TRIM2: variants seen among roughly 807,000 people sequenced by gnomAD.
TRIM2 encodes tripartite motif-containing protein 2.
In TRIM2, 20 loss-of-function variants were observed where a neutral mutation model predicts 75.2. The observed-to-expected ratio is 0.27, with a 90% CI of 0.19 to 0.39. The LOEUF (loss-of-function observed/expected upper bound fraction) is 0.39. Among genes scored for constraint, TRIM2 ranks in the 10% least tolerant of loss-of-function variants. The probability of loss-of-function intolerance (pLI) is 1.00; values close to 1 mark genes in which losing one functional copy is unlikely to be tolerated. For synonymous variants in TRIM2, 373 were observed against 388.3 expected (o/e 0.96, Z 0.46); for missense variants, 660 against 990.8 (o/e 0.67, Z 4.48).
intron 1 of TRIM2, among the ~76,000 whole-genome samples, chr4:153,259,060 G>T (rs1423924647): frequency 6.6e-6 from 1 of 152,166 alleles, no homozygotes; most frequent in East Asian, 1.9e-4. Flanking sequence ...CTCCTAGGAA[G>T]ACACAAGTGA....
intron 1 of TRIM2, among the ~76,000 whole-genome samples, chr4:153,238,952 C>T (rs886156950): frequency 6.6e-6 from 1 of 152,128 alleles, no homozygotes; most frequent in African/African-American, 2.4e-5. Context: ...CCCACTGTGA[C>T]GGTATTTGGA....
Position 153,338,215 on chromosome 4 carries a change from A to G in TRIM2, c.*3249A>G. On this transcript the variant is annotated 3_prime_UTR_variant, in exon 12 of 12. Transcript: ENST00000338700. ...CACTAGCAAGTATCTGTGAATCCTTAGCACTGACGGGTTAACAGAAATGCT... is the reference window on the plus strand; with the variant it reads ...CACTAGCAAGTATCTGTGAATCCTTGGCACTGACGGGTTAACAGAAATGCT... The G allele has an allele frequency of 1.0e-6, 1 of 985,882 alleles. No homozygotes were observed. The highest frequency in any genetic ancestry group is 1.2e-6 in the Non-Finnish European group (1 of 829,926). The allele number at this position is 985,882 out of a possible 1,614,324, so 61.1% of individuals were successfully genotyped here. A position where few individuals can be genotyped will look rare whatever the true frequency, so the allele number is the denominator to read the frequency against.
chr4:153,331,994 G>C lies in TRIM2; in HGVS notation c.2164-2820G>C, dbSNP rs561899220. ...TTTGTACAAAAAGTTGACTCAAAAT[G>C]GACTGTAGATTTAACTGTAAAATGT... On this transcript the variant is annotated intron_variant, in intron 11 of 11. Transcript: ENST00000338700. 3.8e-4 allele frequency among the ~76,000 whole-genome samples: 58 copies of C among 152,242 alleles called. No homozygotes were observed. The South Asian group carries it at 0.012, about 30-fold the overall frequency.
chr4:153,159,377 C>T (rs1023953134), intron 1 of TRIM2, among the ~76,000 whole-genome samples: 12 of 126,784 alleles, frequency 9.5e-5, no homozygotes, highest in Non-Finnish European at 1.4e-4. Flanking sequence ...GAACATAGGT[C>T]ACTGCTGCTT....
intron 3 of TRIM2, among the ~76,000 whole-genome samples, chr4:153,281,906 T>C (rs868498647): frequency 6.6e-6 from 1 of 152,226 alleles, no homozygotes; most frequent in African/African-American, 2.4e-5. Flanking sequence ...ATCAAGGGTG[T>C]CAAAGGTGCA....
chr4:153,290,778 C>T (rs1319462240), intron 3 of TRIM2, among the ~76,000 whole-genome samples: 3 of 152,140 alleles, frequency 2.0e-5, no homozygotes, highest in Non-Finnish European at 4.4e-5. Context: ...AGGCATGTGC[C>T]ACCACGTCCA....
chr4:153,322,097 G>A (rs1220610504), intron 8 of TRIM2, among the ~76,000 whole-genome samples: 2 of 152,114 alleles, frequency 1.3e-5, no homozygotes, highest in African/African-American at 4.8e-5. Flanking sequence ...TATTTTTGGT[G>A]GTGATCTCTT....
chr4:153,166,898 G>T (rs1038016301), intron 1 of TRIM2, among the ~76,000 whole-genome samples: 10 of 152,178 alleles, frequency 6.6e-5, no homozygotes, highest in Admixed American at 6.5e-4. Context: ...AGTTTGGTAT[G>T]CTTCCACCTC....
At position 153,335,156 on chromosome 4, in the gene TRIM2, G is replaced by C; in HGVS notation, c.*190G>C. On this transcript the variant is annotated 3_prime_UTR_variant, in exon 12 of 12. Transcript: ENST00000338700. ...CCAATTTCTGTATTTCACCTTTAGG[G>C]TTAAAAAAAACTCTTCTACTGAATC... 1 of 1,267,678 alleles carries C rather than the reference G, an allele frequency of 7.9e-7. No individual in the cohort carries two copies. Among genetic ancestry groups the C allele is most frequent in the Non-Finnish European group, 9.9e-7 (1 of 1,005,444 alleles). The allele number at this position is 1,267,678 out of a possible 1,614,324, so 78.5% of individuals were successfully genotyped here. A position where few individuals can be genotyped will look rare whatever the true frequency, so the allele number is the denominator to read the frequency against.
At chr4:153,192,841 A>G (rs1338280717) in intron 1 of TRIM2, among the ~76,000 whole-genome samples, 2 of 152,098 alleles carry the variant, frequency 1.3e-5, no homozygotes, top group Non-Finnish European at 2.9e-5. Flanking sequence ...CTTCTCACAG[A>G]AAGTGTTTCT....
intron 1 of TRIM2, among the ~76,000 whole-genome samples, chr4:153,218,957 G>T (rs138698019): frequency 1.3e-5 from 2 of 150,864 alleles, no homozygotes; most frequent in South Asian, 2.1e-4. Flanking sequence ...AAAACACCCC[G>T]CTTTGCTTTG....
At chr4:153,303,348 C>T (rs1240043369) in intron 6 of TRIM2, among the ~76,000 whole-genome samples, 1 of 151,720 alleles carries the variant, frequency 6.6e-6, no homozygotes, top group Non-Finnish European at 1.5e-5. Context: ...TGGCACGCAC[C>T]TGTAATCCCA....
At chr4:153,243,636 C>A (rs1474831195) in intron 1 of TRIM2, among the ~76,000 whole-genome samples, 1 of 152,198 alleles carries the variant, frequency 6.6e-6, no homozygotes, top group Non-Finnish European at 1.5e-5. Context: ...GTACCTGGGC[C>A]ATGTTCTTCC....
In TRIM2 at chr4:153,335,820, C is replaced by T. The variant is rs1561037922; in HGVS notation, c.*854C>T. On this transcript the variant is annotated 3_prime_UTR_variant, in exon 12 of 12. Transcript: ENST00000338700. ...TTATGTACCATGTTTTCACACGTGT[C>T]TCTTCTCTTCGACTTCCTGAAAGCG... is the stretch of plus-strand genomic sequence containing the variant. 1.0e-6 allele frequency: 1 copy of T among 985,798 alleles called. No homozygotes were observed. The highest frequency in any genetic ancestry group is 1.2e-6 in the Non-Finnish European group (1 of 829,900). 61.1% of individuals were successfully genotyped at this position (985,798 alleles called of 1,614,324 possible). A position where few individuals can be genotyped will look rare whatever the true frequency, so the allele number is the denominator to read the frequency against.
chr4:153,199,431 C>T (rs1268413645), intron 1 of TRIM2, among the ~76,000 whole-genome samples: 4 of 152,110 alleles, frequency 2.6e-5, no homozygotes, highest in Admixed American at 2.6e-4. Flanking sequence ...TCATTATATA[C>T]CCAGAGTTTA....
rs1344200352 is a variant in TRIM2, at chr4:153,292,982, G to A, written c.454G>A (p.Val152Met). 5 of 1,606,538 alleles carry A rather than the reference G, an allele frequency of 3.1e-6. No individual in the cohort carries two copies. The Admixed American group carries it at 6.7e-5, about 22-fold the overall frequency. ...PLSCPNHDGNVMEFYCQSCET... is the reference protein window; with the variant it reads ...PLSCPNHDGNMMEFYCQSCET... ...GGAACTTTTCTTGTGTCATCCACAG[G>A]TGATGGAATTTTACTGCCAGTCCTG... Residue 152 changes from valine to methionine, a missense_variant and splice_region_variant, in exon 4 of 12, where the codon GTG becomes ATG. Around this residue, in one of 2 missense-constraint regions of TRIM2, gnomAD observed 620 missense variants for 891.0 expected, o/e 0.70. Coordinates refer to ENST00000338700, the MANE Select transcript of TRIM2 (RefSeq NM_015271.5).
rs753233706 is a variant in TRIM2, at chr4:153,295,299, C to T, written c.787-14C>T. 6 of 1,566,862 alleles carry T rather than the reference C, an allele frequency of 3.8e-6. No homozygotes were observed. The highest frequency in any genetic ancestry group is 2.7e-5 in the African/African-American group (2 of 73,966). On this transcript the variant is annotated splice_polypyrimidine_tract_variant and intron_variant, in intron 5 of 11. Transcript: ENST00000338700. This position sits in a 1 kb window ranked among gnomAD's most constrained non-coding sequence, Gnocchi z 7.2. ...CTGTGGGACGAGCTCACCAGGCCTC[C>T]GGTTTTCCCGCAGGTCCTCCAGTCG... is the stretch of plus-strand genomic sequence containing the variant.
rs1579860347 is a variant in TRIM2, at chr4:153,336,703, TTCTC to T, written c.*1739_*1742del. The T allele has an allele frequency of 2.0e-6, 2 of 985,084 alleles. No individual in the cohort carries two copies. The highest frequency in any genetic ancestry group is 2.4e-6 in the Non-Finnish European group (2 of 829,196). 61.0% of individuals were successfully genotyped at this position (985,084 alleles called of 1,614,324 possible). The stretch of plus-strand genomic sequence containing the variant: ...TGCTTATTAATTTATAATTCAGTCA[TTCTC>T]TATATAGGACTTCTTAAAATTTAGA... On this transcript the variant is annotated 3_prime_UTR_variant, in exon 12 of 12. Coordinates refer to ENST00000338700, the MANE Select transcript of TRIM2 (RefSeq NM_015271.5).
At chr4:153,298,203 A>C (rs192872853) in intron 6 of TRIM2, among the ~76,000 whole-genome samples, 1 of 152,234 alleles carries the variant, frequency 6.6e-6, no homozygotes, top group Non-Finnish European at 1.5e-5. Context: ...CCTGGCATGC[A>C]GCACGATGTC....
Sources: gnomAD v4.1 joint callset for allele counts (sites outside exome capture counted in the v4.1 genomes callset) on GRCh38, gnomAD v4.1.1 for gene constraint, gnomAD v4.1.1 regional missense constraint, Gnocchi (gnomAD v3.1) non-coding constraint, MANE v1.5 for transcripts, NCBI Gene and HGNC (gene_info 2026-07-23, HGNC 2026-07-21) for gene names.